The following GLRA2 variants were observed in gnomAD, a reference collection of about 807,000 sequenced individuals.
GLRA2 encodes the protein glycine receptor subunit alpha-2.
In GLRA2, 11 loss-of-function variants were observed where a neutral mutation model predicts 31.6. The observed-to-expected ratio is 0.35, with a 90% CI of 0.22 to 0.58. GLRA2 has a LOEUF of 0.58. GLRA2 is among the 20% of genes least tolerant of loss of function. The pLI, the probability that GLRA2 is intolerant of heterozygous loss-of-function variation, is 0.84. For synonymous variants in GLRA2, 132 were observed against 134.0 expected, an observed-to-expected ratio of 0.99 and a Z score of 0.10; for missense variants, 212 against 351.8, an observed-to-expected ratio of 0.60 and a Z score of 3.18.
chrX:14,493,100 C>G, the GLRA2 span, among the ~76,000 whole-genome samples: 1 of 111,208 alleles, frequency 9.0e-6, no homozygotes, highest in East Asian at 2.8e-4. Flanking sequence ...GGGTTTTAAG[C>G]TCTAATATAT....
the GLRA2 span, among the ~76,000 whole-genome samples, chrX:14,458,234 G>C: frequency 9.0e-6 from 1 of 111,307 alleles, no homozygotes; most frequent in Non-Finnish European, 1.9e-5. Flanking sequence ...GTATTCCATG[G>C]TGTATATGTG....
intron 8 of GLRA2, among the ~76,000 whole-genome samples, chrX:14,728,090 CT>C (rs2091948588): frequency 8.9e-6 from 1 of 112,099 alleles, no homozygotes; most frequent in Non-Finnish European, 1.9e-5. Context: ...TTTATAGTTA[CT>C]TTTTAAAGAC....
At chrX:14,601,009 T>TGTTTG (rs199850601) in intron 4 of GLRA2, among the ~76,000 whole-genome samples, 2 of 108,413 alleles carry the variant, frequency 1.8e-5, no homozygotes, top group African/African-American at 3.3e-5. Context: ...TTGTTTTTTT[T>TGTTTG]TTTGTTTGTT....
the GLRA2 span, among the ~76,000 whole-genome samples, chrX:14,516,615 G>A: frequency 3.6e-5 from 4 of 111,237 alleles, no homozygotes; most frequent in Non-Finnish European, 5.7e-5. Flanking sequence ...AAACTGAGCC[G>A]GCCATACATA....
chrX:14,691,937 T>C (rs1031577025), intron 8 of GLRA2, among the ~76,000 whole-genome samples: 18 of 112,446 alleles, frequency 1.6e-4, no homozygotes, highest in Non-Finnish European at 7.5e-5. Flanking sequence ...GGTGAAGTAA[T>C]AGTTATATGC....
the GLRA2 span, among the ~76,000 whole-genome samples, chrX:14,464,333 A>G: frequency 9.0e-6 from 1 of 111,450 alleles, no homozygotes. Flanking sequence ...TTAAGTCTTC[A>G]CTGCATTTGG....
At chrX:14,679,088 C>T (rs1378326152) in intron 7 of GLRA2, among the ~76,000 whole-genome samples, 2 of 110,601 alleles carry the variant, frequency 1.8e-5, no homozygotes, top group African/African-American at 3.3e-5. Context: ...TCTGTTATAG[C>T]GCTCAACATA....
intron 7 of GLRA2, among the ~76,000 whole-genome samples, chrX:14,665,878 G>T (rs2091034079): frequency 1.8e-5 from 2 of 111,962 alleles, no homozygotes; most frequent in Admixed American, 9.5e-5. Flanking sequence ...ATGTCACAGT[G>T]GAAATAAAGC....
chrX:14,633,787 G>A (rs192616580), intron 7 of GLRA2, among the ~76,000 whole-genome samples: 175 of 106,751 alleles, frequency 1.6e-3, no homozygotes, highest in African/African-American at 5.4e-3. Flanking sequence ...GAGCAAAAGG[G>A]GAACAACCCC....
At chrX:14,535,138 T>C (rs1458037049) in intron 2 of GLRA2, among the ~76,000 whole-genome samples, 1 of 111,666 alleles carries the variant, frequency 9.0e-6, no homozygotes, top group Non-Finnish European at 1.9e-5. Flanking sequence ...AGGGCAAAAT[T>C]TGACCACCAG....
chrX:14,550,626 G>T (rs974237490), intron 2 of GLRA2, among the ~76,000 whole-genome samples: 2 of 111,181 alleles, frequency 1.8e-5, no homozygotes, highest in Admixed American at 1.9e-4. Context: ...GGCCCTTGAT[G>T]CTTTGATACC....
At chrX:14,623,005 T>G (rs1270758863) in intron 7 of GLRA2, among the ~76,000 whole-genome samples, 1 of 111,905 alleles carries the variant, frequency 8.9e-6, no homozygotes, top group Non-Finnish European at 1.9e-5. Context: ...TCTATTTGTT[T>G]GTGTCCTCTT....
rs761019354 is a variant in GLRA2 at position 14,714,254 on chromosome X, G to A, written c.1081-15953G>A. On this transcript the variant is annotated intron_variant, in intron 8 of 8. Transcript: ENST00000218075. ...AAGTAGGGTTGATTTACTCATCCAG[G>A]AGACACTTGGCAATGTCTTGAGACA... Among the ~76,000 whole-genome samples the A allele has an allele frequency of 1.4e-4, 16 of 111,022 alleles. No individual in the cohort carries two copies. The East Asian group carries it at 4.5e-3, about 31-fold the overall frequency.
intron 7 of GLRA2, among the ~76,000 whole-genome samples, chrX:14,646,378 C>T (rs2090832660): frequency 9.0e-6 from 1 of 111,633 alleles, no homozygotes; most frequent in Non-Finnish European, 1.9e-5. Context: ...AATTCTTTAC[C>T]TGATTAATAT....
the GLRA2 span, among the ~76,000 whole-genome samples, chrX:14,522,189 C>T: frequency 4.4e-5 from 5 of 112,371 alleles, no homozygotes; most frequent in Admixed American, 3.8e-4. Flanking sequence ...CCTTTGTTGT[C>T]ATTTCAACAG....
chrX:14,618,686 A>G lies in GLRA2; in HGVS notation c.930+9481A>G, dbSNP rs1002559844. Among the ~76,000 whole-genome samples the G allele has an allele frequency of 2.2e-4, 24 of 111,585 alleles. No individual in the cohort carries two copies. The Admixed American group carries it at 2.2e-3, about 10-fold the overall frequency. On this transcript the variant is annotated intron_variant, in intron 7 of 8. Transcript: ENST00000218075. ...CTTATAAGGCTGAAATCAAAGTGTCAGCTGGGATGAGGTTTTCTTTGGAGG... is the reference window on the plus strand; with the variant it reads ...CTTATAAGGCTGAAATCAAAGTGTCGGCTGGGATGAGGTTTTCTTTGGAGG...
chrX:14,646,165 A>G (rs909699107), intron 7 of GLRA2, among the ~76,000 whole-genome samples: 3 of 112,416 alleles, frequency 2.7e-5, no homozygotes, highest in Non-Finnish European at 5.6e-5. Flanking sequence ...AGACACTGCT[A>G]TTATACATGA....
chrX:14,729,485 A>G (rs990981880), intron 8 of GLRA2, among the ~76,000 whole-genome samples: 2 of 111,938 alleles, frequency 1.8e-5, no homozygotes, highest in African/African-American at 6.5e-5. Context: ...TATCTAATTT[A>G]TGTAGAAATA....
At chrX:14,516,896 A>G in the GLRA2 span, among the ~76,000 whole-genome samples, 1 of 112,039 alleles carries the variant, frequency 8.9e-6, no homozygotes, top group African/African-American at 3.2e-5. Context: ...AGTTTGGTCC[A>G]GTTGAACCTT....
Sources: allele counts gnomAD v4.1 joint callset (sites outside exome capture counted in the v4.1 genomes callset), GRCh38; gene constraint gnomAD v4.1.1; transcripts MANE v1.5; gene names NCBI Gene and HGNC (gene_info 2026-07-23, HGNC 2026-07-21).